PRKDC: variants seen among roughly 807,000 people sequenced by gnomAD.
The protein encoded by PRKDC is DNA-dependent protein kinase catalytic subunit.
In PRKDC, 82 loss-of-function variants were observed where a neutral mutation model predicts 486.9. The observed-to-expected ratio is 0.17, with a 90% confidence interval of 0.14 to 0.20. The LOEUF (loss-of-function observed/expected upper bound fraction) is 0.20. Among genes scored for constraint, PRKDC ranks in the 10% least tolerant of loss-of-function variants. The pLI is 1.00. For missense variants in PRKDC, 4,504 were observed against 5,038.2 expected (o/e 0.89, Z 3.21); for synonymous variants, 1,895 against 1,837.0 (o/e 1.03, Z -0.81).
At chr8:47,903,904 C>A (rs1382289483) in intron 26 of PRKDC, among the ~76,000 whole-genome samples, 1 of 152,106 alleles carries the variant, frequency 6.6e-6, no homozygotes, top group Non-Finnish European at 1.5e-5. Flanking sequence ...GGGAATTAAA[C>A]TACAGGTTTA....
At chr8:47,859,132 T>G in intron 46 of PRKDC, 146 bp from the exon 47 acceptor site, 2 of 903,560 alleles carry the variant, frequency 2.2e-6, no homozygotes, top group Non-Finnish European at 3.4e-6. Flanking sequence ...TCAAATACAC[T>G]CACTGTACAA....
intron 56 of PRKDC, among the ~76,000 whole-genome samples, chr8:47,838,763 C>T (rs2088080438): frequency 1.3e-5 from 2 of 152,148 alleles, no homozygotes; most frequent in South Asian, 4.1e-4. Context: ...TTACAGTTTC[C>T]TCTCATTTCT....
chr8:47,775,102 G>A (rs1045672990), intron 85 of PRKDC, among the ~76,000 whole-genome samples: 2 of 151,834 alleles, frequency 1.3e-5, no homozygotes, highest in Non-Finnish European at 2.9e-5. Flanking sequence ...CAGGAGGATC[G>A]CTTGAACCCA....
rs1373603474 is a variant in PRKDC at position 47,800,949 on chromosome 8, A to C, written c.9960T>G (p.Ile3320Met). Residue 3320 changes from isoleucine (I) to methionine (M), a missense_variant, in exon 71 of 86, where the codon ATT becomes ATG. This residue lies in a region of PRKDC where 1,592 missense variants were observed against 1,724.6 expected (regional missense o/e 0.92). Coordinates refer to ENST00000314191, the MANE Select transcript of PRKDC (RefSeq NM_006904.7). ...NNVSSYLSKN[I>M]LAFRDQNILL... The stretch of plus-strand genomic sequence containing the variant: ...GAATGTTCTGGTCACGGAAAGCCAG[A>C]ATATTTTTGCTTAAGTAGCTTGACA... The C allele has an allele frequency of 1.2e-6, 2 of 1,613,968 alleles. No individual in the cohort carries two copies. The highest frequency in any genetic ancestry group is 2.7e-5 in the African/African-American group (2 of 75,032).
rs1053937188 is a variant in PRKDC, at chr8:47,866,144, G to A, written c.5364-1381C>T. Among the ~76,000 whole-genome samples the A allele has an allele frequency of 2.3e-3, 218 of 95,934 alleles. 2 individuals carry two copies. The highest frequency in any genetic ancestry group is 1.1e-3 in the Non-Finnish European group (56 of 52,002). The allele number at this position is 95,934 out of a possible 152,430, so 62.9% of individuals were successfully genotyped here. A position where few individuals can be genotyped will look rare whatever the true frequency, so the allele number is the denominator to read the frequency against. On this transcript the variant is annotated intron_variant, in intron 40 of 85. Coordinates refer to ENST00000314191, the MANE Select transcript of PRKDC (RefSeq NM_006904.7). ...GTACTCCTGCCTGGGCAACAATAGAGAAACTCCGTCGCAAAAAAAAAAAAA... is the reference window on the plus strand; with the variant it reads ...GTACTCCTGCCTGGGCAACAATAGAAAAACTCCGTCGCAAAAAAAAAAAAA...
chr8:47,927,360 G>A lies in PRKDC; in HGVS notation c.2260-7C>T, dbSNP rs770140937. ...GGCCCAGTTTGAAAGCCATCTGTATGTTAATACAAACAAGTTAAACTGAAA... is the reference window on the plus strand; with the variant it reads ...GGCCCAGTTTGAAAGCCATCTGTATATTAATACAAACAAGTTAAACTGAAA... On this transcript the variant is annotated splice_polypyrimidine_tract_variant and splice_region_variant and intron_variant, in intron 20 of 85. Transcript: ENST00000314191. 1.3e-5 allele frequency: 21 copies of A among 1,601,182 alleles called. No individual in the cohort carries two copies. The Admixed American group carries it at 1.4e-4, about 11-fold the overall frequency.
At chr8:47,953,371 C>T (rs1432740976) in intron 7 of PRKDC, among the ~76,000 whole-genome samples, 3 of 152,272 alleles carry the variant, frequency 2.0e-5, no homozygotes, top group East Asian at 1.9e-4. Flanking sequence ...AATGTGTGCA[C>T]GTTAAACTGG....
rs368422646 is a variant in PRKDC at position 47,865,807 on chromosome 8, G to A, written c.5364-1044C>T. Among the ~76,000 whole-genome samples, 618 of 152,106 alleles carry A rather than the reference G, an allele frequency of 4.1e-3. 4 individuals carry two copies. The highest frequency in any genetic ancestry group is 0.025 in the South Asian group (119 of 4,812). The stretch of plus-strand genomic sequence containing the variant: ...TTCCTATGTTGAAACCCTGATCCCC[G>A]GTGTGATTGTATTAGGAGGTAAGGC... On this transcript the variant is annotated intron_variant, in intron 40 of 85. Transcript: ENST00000314191.
chr8:47,856,818 G>C (rs1016347394), intron 49 of PRKDC, among the ~76,000 whole-genome samples: 7 of 152,236 alleles, frequency 4.6e-5, no homozygotes, highest in Admixed American at 1.3e-4. Context: ...GGAGTCCTCA[G>C]AGCCTCCCAT....
chr8:47,855,218 A>C lies in PRKDC; in HGVS notation c.6761+4T>G. On this transcript the variant is annotated splice_donor_region_variant and intron_variant, in intron 50 of 85. Transcript: ENST00000314191. ...AACAATACTGCAAAAACCAGTAAAC[A>C]TACCTATAAGGGATGGATAAACAAT... The C allele has an allele frequency of 1.3e-6, 2 of 1,589,658 alleles. No homozygotes were observed. Among genetic ancestry groups the C allele is most frequent in the Non-Finnish European group, 1.7e-6 (2 of 1,168,958 alleles).
intron 50 of PRKDC, 134 bp from the exon 51 acceptor site, chr8:47,854,348 G>C: frequency 9.8e-7 from 1 of 1,017,160 alleles, no homozygotes; most frequent in South Asian, 1.6e-5. Context: ...TGGCGTGACT[G>C]AGACGGAGTC....
Position 47,902,560 on chromosome 8 carries a change from C to A in PRKDC, c.3269+9G>T. On this transcript the variant is annotated intron_variant, in intron 27 of 85. Coordinates refer to ENST00000314191, the MANE Select transcript of PRKDC (RefSeq NM_006904.7). ...CAAGTTTCTCTTCTCTGTTGTGTAG[C>A]TTACAAACCTGAATTCCCTGTAGAT... is the stretch of plus-strand genomic sequence containing the variant. 1 of 1,533,002 alleles carries A rather than the reference C, an allele frequency of 6.5e-7. No homozygotes were observed. Among genetic ancestry groups the A allele is most frequent in the South Asian group, 1.3e-5 (1 of 74,592 alleles). 95.0% of individuals were successfully genotyped at this position (1,533,002 alleles called of 1,614,324 possible). A position where few individuals can be genotyped will look rare whatever the true frequency, so the allele number is the denominator to read the frequency against.
At chr8:47,915,543 T>G (rs188334488) in intron 22 of PRKDC, 125 bp from the exon 23 acceptor site, 55 of 579,214 alleles carry the variant, frequency 9.5e-5, no homozygotes, top group East Asian at 4.7e-4. Context: ...TTCCAAACTT[T>G]TTGGCAGGAT....
At chr8:47,916,441 A>T (rs1016980845) in intron 22 of PRKDC, among the ~76,000 whole-genome samples, 3 of 152,112 alleles carry the variant, frequency 2.0e-5, no homozygotes, top group Non-Finnish European at 4.4e-5. Context: ...AAAATAAAAA[A>T]AAAAAAATCT....
At chr8:47,888,091 C>T (rs1281336714) in intron 34 of PRKDC, among the ~76,000 whole-genome samples, 4 of 151,996 alleles carry the variant, frequency 2.6e-5, no homozygotes, top group African/African-American at 9.7e-5. Context: ...TTGCCTGGGT[C>T]GGTCTCAAAC....
rs759116355 is a variant in PRKDC at position 47,855,317 on chromosome 8, A to T, written c.6666T>A (p.His2222Gln). 1 of 1,600,394 alleles carries T rather than the reference A, an allele frequency of 6.2e-7. No individual in the cohort carries two copies. Among genetic ancestry groups the T allele is most frequent in the Admixed American group, 1.7e-5 (1 of 58,158 alleles). ...ANRLLNFLMK[H>Q]VFHPKRAVFR... ...ACACAGCTCTTTTTGGATGAAAGAC[A>T]TGTTTCATTAGGAAATTAAGCAATC... is the stretch of plus-strand genomic sequence containing the variant. Residue 2222 changes from histidine to glutamine, a missense_variant, in exon 50 of 86, where the codon CAT becomes CAA. This residue lies in a region of PRKDC where 1,592 missense variants were observed against 1,724.6 expected (regional missense o/e 0.92). Coordinates refer to ENST00000314191, the MANE Select transcript of PRKDC (RefSeq NM_006904.7).
At chr8:47,785,727 C>G (rs377620925) in intron 76 of PRKDC, among the ~76,000 whole-genome samples, 47 of 151,244 alleles carry the variant, frequency 3.1e-4, no homozygotes, top group African/African-American at 1.1e-3. Context: ...CCGAGTGAGA[C>G]CGTGTCTCTA....
chr8:47,837,008 C>G lies in PRKDC; in HGVS notation c.7761+204G>C, dbSNP rs1296099897. Among the ~76,000 whole-genome samples the G allele has an allele frequency of 3.3e-5, 5 of 152,152 alleles. No homozygotes were observed. The South Asian group carries it at 1.0e-3, about 32-fold the overall frequency. On this transcript the variant is annotated intron_variant, in intron 57 of 85. Coordinates refer to ENST00000314191, the MANE Select transcript of PRKDC (RefSeq NM_006904.7). ...GAGGGGAGGGAAAGCAATGGCGATC[C>G]TGACAAGGGAAATCTAGTGGAGGCC...
At chr8:47,916,701 C>CA (rs1416582368) in intron 22 of PRKDC, among the ~76,000 whole-genome samples, 1 of 152,174 alleles carries the variant, frequency 6.6e-6, no homozygotes, top group African/African-American at 2.4e-5. Context: ...GCTCCCAGTT[C>CA]AAAGCACCAC....
Sources: gnomAD v4.1 joint callset for allele counts (sites outside exome capture counted in the v4.1 genomes callset) on GRCh38, gnomAD v4.1.1 for gene constraint, gnomAD v4.1.1 regional missense constraint, MANE v1.5 for transcripts, NCBI Gene and HGNC (gene_info 2026-07-23, HGNC 2026-07-21) for gene names.